Variants in EIPR1 observed in about 807,000 individuals in gnomAD.
EIPR1 encodes the protein EARP and GARP complex-interacting protein 1.
EIPR1 carries 25 observed loss-of-function variants against 48.1 expected under a neutral mutation model. That is an observed-to-expected ratio of 0.52 (90% CI 0.38 to 0.73). The LOEUF is 0.73. EIPR1 is among the 30% of genes least tolerant of loss of function. The pLI is 0.00. For missense variants in EIPR1, 415 were observed against 506.2 expected, an observed-to-expected ratio of 0.82 and a Z score of 1.73; for synonymous variants, 204 against 201.9, an observed-to-expected ratio of 1.01 and a Z score of -0.09.
intron 4 of EIPR1, among the ~76,000 whole-genome samples, chr2:3,215,888 C>T (rs1665614714): frequency 6.6e-6 from 1 of 152,206 alleles, no homozygotes; most frequent in South Asian, 2.1e-4. Context: ...TGATCAAAGG[C>T]ACATCACGTC....
intron 1 of EIPR1, among the ~76,000 whole-genome samples, chr2:3,372,352 G>A (rs1365527846): frequency 1.3e-5 from 2 of 150,596 alleles, no homozygotes; most frequent in East Asian, 3.9e-4. Flanking sequence ...ACATTCAAAA[G>A]CTAGCAGAAG....
chr2:3,260,892 G>A (rs1232019679), intron 3 of EIPR1, among the ~76,000 whole-genome samples: 1 of 152,184 alleles, frequency 6.6e-6, no homozygotes, highest in Non-Finnish European at 1.5e-5. Context: ...TGGCAAAGAT[G>A]TACAGTAACT....
chr2:3,274,493 A>G, intron 3 of EIPR1: 1 of 1,512,958 alleles, frequency 6.6e-7, no homozygotes, highest in East Asian at 2.5e-5. Flanking sequence ...AGGTAAATCA[A>G]GCCATGAGAC....
chr2:3,299,242 C>T (rs1013131561), intron 3 of EIPR1, among the ~76,000 whole-genome samples: 10 of 152,192 alleles, frequency 6.6e-5, no homozygotes, highest in Admixed American at 6.5e-4. Flanking sequence ...TGGACTGCCC[C>T]CTGTCCTGGA....
In EIPR1 at chr2:3,313,382, G is replaced by T. The variant is rs1367837328; in HGVS notation, c.259+24635C>A. ...TGAGAGTTAAAAAAGTGGGTGGGGG[G>T]GTTCAAGGCGCACAGACCTGAGCAC... On this transcript the variant is annotated intron_variant, in intron 3 of 8. Coordinates refer to ENST00000382125, the MANE Select transcript of EIPR1 (RefSeq NM_003310.5). 7.2e-5 allele frequency among the ~76,000 whole-genome samples: 11 copies of T among 152,072 alleles called. No individual in the cohort carries two copies. In the East Asian group the frequency reaches 2.1e-3, roughly 30 times the overall value.
chr2:3,350,305 C>A (rs954899835), intron 2 of EIPR1, among the ~76,000 whole-genome samples: 23 of 152,108 alleles, frequency 1.5e-4, no homozygotes, highest in African/African-American at 5.5e-4. Flanking sequence ...TAGGAGAGAG[C>A]ATGAAGGGGG....
chr2:3,307,570 C>G (rs1668984978), intron 3 of EIPR1, among the ~76,000 whole-genome samples: 1 of 152,222 alleles, frequency 6.6e-6, no homozygotes, highest in Non-Finnish European at 1.5e-5. Flanking sequence ...TGCCCACTAC[C>G]TGCGCACAGC....
chr2:3,226,651 G>A (rs980837487), intron 4 of EIPR1, among the ~76,000 whole-genome samples: 26 of 152,162 alleles, frequency 1.7e-4, no homozygotes, highest in African/African-American at 6.0e-4. Flanking sequence ...TTTGCTGCCT[G>A]TGCTTTTGTG....
At chr2:3,352,745 C>A (rs1384186665) in intron 2 of EIPR1, among the ~76,000 whole-genome samples, 2 of 152,212 alleles carry the variant, frequency 1.3e-5, no homozygotes, top group Non-Finnish European at 2.9e-5. Flanking sequence ...GCCTGTAATC[C>A]CAACACTTTG....
At position 3,377,698 on chromosome 2, in the gene EIPR1, G is replaced by T; in HGVS notation, c.-9C>A. ...GGTGCATCGTCCTCCATGCTGCGGG[G>T]AAGCGACCCGACCCCGGCCACTCAC... On this transcript the variant is annotated 5_prime_UTR_variant, in exon 1 of 9. Coordinates refer to ENST00000382125, the MANE Select transcript of EIPR1 (RefSeq NM_003310.5). The T allele has an allele frequency of 6.3e-7, 1 of 1,576,596 alleles. No homozygotes were observed. Among genetic ancestry groups the T allele is most frequent in the Non-Finnish European group, 8.6e-7 (1 of 1,160,760 alleles).
intron 3 of EIPR1, among the ~76,000 whole-genome samples, chr2:3,288,038 G>A (rs1177146837): frequency 1.3e-5 from 2 of 152,218 alleles, no homozygotes; most frequent in East Asian, 3.9e-4. Context: ...CCTCCCCGTG[G>A]CCCGAGTCTG....
rs1666398941 is a variant in EIPR1 at position 3,236,158 on chromosome 2, C to A, written c.416+21141G>T. Among the ~76,000 whole-genome samples the A allele has an allele frequency of 1.3e-5, 2 of 152,146 alleles. 1 individual carries two copies. The highest frequency in any genetic ancestry group is 4.8e-5 in the African/African-American group (2 of 41,442). ...TGAACAACCCTGTGAGGCAGGGAGG[C>A]TGTCATGACATCGCCGTACGTGTAC... On this transcript the variant is annotated intron_variant, in intron 4 of 8. Coordinates refer to ENST00000382125, the MANE Select transcript of EIPR1 (RefSeq NM_003310.5).
At chr2:3,302,791 G>T (rs1668800055) in intron 3 of EIPR1, among the ~76,000 whole-genome samples, 1 of 152,212 alleles carries the variant, frequency 6.6e-6, no homozygotes, top group Non-Finnish European at 1.5e-5. Flanking sequence ...GCTCCCAAAG[G>T]CCAGGCCAGC....
intron 8 of EIPR1, among the ~76,000 whole-genome samples, chr2:3,191,451 A>G (rs1182135517): frequency 6.6e-6 from 1 of 152,218 alleles, no homozygotes; most frequent in Admixed American, 6.5e-5. Context: ...CACTGCAGAG[A>G]GGGTCTGAAG....
At chr2:3,322,579 G>C (rs1477931315) in intron 3 of EIPR1, among the ~76,000 whole-genome samples, 1 of 152,194 alleles carries the variant, frequency 6.6e-6, no homozygotes, top group African/African-American at 2.4e-5. Context: ...TTGCAATCCT[G>C]TGGTCTTCCT....
chr2:3,192,476 G>A lies in EIPR1; in HGVS notation c.927C>T (p.Pro309=). Reference sequence around the variant, plus strand: ...CATCGTCGTCTACCAAGTGGCCGAAGGGCTCCGACGAGATGGACACCATGT... The same window carrying A: ...CATCGTCGTCTACCAAGTGGCCGAAAGGCTCCGACGAGATGGACACCATGT... ...LSNMVSISSE[P]FGHLVDDDDI... Residue 309 remains proline, a synonymous_variant, in exon 8 of 9, where the codon CCC becomes CCT. Transcript: ENST00000382125. The A allele has an allele frequency of 6.2e-7, 1 of 1,613,030 alleles. No homozygotes were observed. The highest frequency in any genetic ancestry group is 8.5e-7 in the Non-Finnish European group (1 of 1,179,736).
chr2:3,190,062 C>T (rs548729663), intron 8 of EIPR1, among the ~76,000 whole-genome samples: 2 of 152,194 alleles, frequency 1.3e-5, no homozygotes, highest in East Asian at 3.9e-4. Context: ...GACGCCCTGG[C>T]CCTGTGGGAG....
intron 3 of EIPR1, among the ~76,000 whole-genome samples, chr2:3,329,916 T>A (rs957267593): frequency 6.8e-6 from 1 of 146,650 alleles, no homozygotes; most frequent in Non-Finnish European, 1.5e-5. Context: ...TACCACAGTA[T>A]AATGATCTCA....
intron 3 of EIPR1, among the ~76,000 whole-genome samples, chr2:3,302,617 A>G (rs927730557): frequency 2.0e-5 from 3 of 152,236 alleles, no homozygotes; most frequent in African/African-American, 7.2e-5. Context: ...CAGTGACGTG[A>G]CGTCGCGGAA....
Sources: allele counts gnomAD v4.1 joint callset (sites outside exome capture counted in the v4.1 genomes callset), GRCh38; gene constraint gnomAD v4.1.1; transcripts MANE v1.5; gene names NCBI Gene and HGNC (gene_info 2026-07-23, HGNC 2026-07-21).